The following CATSPERB variants were observed in gnomAD, a reference collection of about 807,000 sequenced individuals.
CATSPERB encodes the protein catsper channel auxiliary subunit beta.
A neutral mutation model predicts 128.3 loss-of-function variants in CATSPERB; 93 were observed. The ratio of observed to expected loss-of-function variants is 0.72; its 90% CI spans 0.61 to 0.86. The LOEUF (loss-of-function observed/expected upper bound fraction) is 0.86. Ranked by LOEUF, CATSPERB falls within the 40% of genes least tolerant of loss-of-function variation. The pLI, the probability that CATSPERB is intolerant of heterozygous loss-of-function variation, is 0.00. For synonymous variants in CATSPERB, 381 were observed against 448.8 expected (o/e 0.85, Z 1.91); for missense variants, 1,153 against 1,329.5 (o/e 0.87, Z 2.06).
chr14:91,639,185 A>T lies in CATSPERB; in HGVS notation c.1498T>A (p.Leu500Met). 1 of 1,613,930 alleles carries T rather than the reference A, an allele frequency of 6.2e-7. No individual in the cohort carries two copies. The highest frequency in any genetic ancestry group is 8.5e-7 in the Non-Finnish European group (1 of 1,179,864). The change falls in exon 16 of 27, where the codon TTG (leucine) becomes ATG (methionine). Residue 500 changes from leucine (L) to methionine (M), a missense_variant. Coordinates refer to ENST00000256343, the MANE Select transcript of CATSPERB (RefSeq NM_024764.4). ...ERIFTLYYDH[L>M]GFLHKLTLGR... The stretch of plus-strand genomic sequence containing the variant: ...AGAGTCAGCTTATGTAGGAATCCCA[A>T]GTGATCATAGTATAATGTGAAAATT...
At chr14:91,587,571 A>G (rs1893326163) in intron 25 of CATSPERB, among the ~76,000 whole-genome samples, 1 of 141,268 alleles carries the variant, frequency 7.1e-6, no homozygotes, top group Non-Finnish European at 1.5e-5. Context: ...TAATCCTCGT[A>G]TTTGTGGCTT....
Position 91,669,104 on chromosome 14 carries a change from T to G in CATSPERB, c.1287+710A>C, listed in dbSNP as rs1044246087. ...GTGAGAATGGATTAATACATAAACA[T>G]TTAGTGTGAAAAACTAAAATATGGA... On this transcript the variant is annotated intron_variant, in intron 14 of 26. Coordinates refer to ENST00000256343, the MANE Select transcript of CATSPERB (RefSeq NM_024764.4). Among the ~76,000 whole-genome samples, 5 of 152,188 alleles carry G rather than the reference T, an allele frequency of 3.3e-5. No homozygotes were observed. In the East Asian group the frequency reaches 9.6e-4, roughly 29 times the overall value.
At chr14:91,618,901 A>T (rs949599597) in intron 19 of CATSPERB, among the ~76,000 whole-genome samples, 2 of 152,194 alleles carry the variant, frequency 1.3e-5, no homozygotes, top group African/African-American at 4.8e-5. Flanking sequence ...GAGGCCTGAG[A>T]TTCTGCATTT....
intron 12 of CATSPERB, among the ~76,000 whole-genome samples, chr14:91,673,232 G>A (rs963985260): frequency 1.3e-5 from 1 of 79,634 alleles, no homozygotes; most frequent in Non-Finnish European, 2.9e-5. Flanking sequence ...TTAGGAAATC[G>A]ACCCTTAGGC....
intron 10 of CATSPERB, among the ~76,000 whole-genome samples, chr14:91,687,777 A>G (rs1895399671): frequency 6.6e-6 from 1 of 152,120 alleles, no homozygotes; most frequent in African/African-American, 2.4e-5. Context: ...TAACATGGTG[A>G]AACCCTATCT....
chr14:91,670,957 C>T (rs530779394), intron 13 of CATSPERB, among the ~76,000 whole-genome samples: 1 of 151,816 alleles, frequency 6.6e-6, no homozygotes, highest in East Asian at 2.0e-4. Context: ...GAGCCAAGAT[C>T]GCTCCACTGC....
rs574155823 is a variant in CATSPERB, at chr14:91,610,778, T to C, written c.2401-101A>G. 4.5e-4 allele frequency: 489 copies of C among 1,092,168 alleles called. 2 individuals are homozygous for C. Among genetic ancestry groups the C allele is most frequent in the Non-Finnish European group, 6.2e-4 (469 of 755,256 alleles). 67.7% of individuals were successfully genotyped at this position (1,092,168 alleles called of 1,614,324 possible). A position where few individuals can be genotyped will look rare whatever the true frequency, so the allele number is the denominator to read the frequency against. On this transcript the variant is annotated intron_variant, in intron 20 of 26. Coordinates refer to ENST00000256343, the MANE Select transcript of CATSPERB (RefSeq NM_024764.4). ...TGTTGAAACCCCAACCTCCAGTATCTCAAAATGTGGCTGTATTTGGAGATA... is the reference window on the plus strand; with the variant it reads ...TGTTGAAACCCCAACCTCCAGTATCCCAAAATGTGGCTGTATTTGGAGATA...
intron 26 of CATSPERB, among the ~76,000 whole-genome samples, chr14:91,586,286 T>C (rs1893296868): frequency 6.6e-6 from 1 of 152,162 alleles, no homozygotes; most frequent in African/African-American, 2.4e-5. Flanking sequence ...TCTATGAGAA[T>C]TTTAGCCCTC....
chr14:91,709,330 C>A (rs1271064098), intron 5 of CATSPERB: 2 of 151,776 alleles, frequency 1.3e-5, no homozygotes, highest in Admixed American at 6.6e-5. Flanking sequence ...GTTTAACAGG[C>A]CTTCAATGGG....
intron 14 of CATSPERB, among the ~76,000 whole-genome samples, chr14:91,662,435 ATTTAC>A (rs1894903001): frequency 6.6e-6 from 1 of 152,134 alleles, no homozygotes; most frequent in African/African-American, 2.4e-5. Flanking sequence ...ATAAGATGTA[ATTTAC>A]TTATTCATTT....
intron 15 of CATSPERB, among the ~76,000 whole-genome samples, chr14:91,655,165 C>T (rs968537809): frequency 5.9e-5 from 9 of 152,206 alleles, no homozygotes; most frequent in African/African-American, 2.2e-4. Context: ...ACTTAGATCA[C>T]AACACTCAAG....
chr14:91,691,562 GA>G lies in CATSPERB; in HGVS notation c.832-8del, dbSNP rs1231635279. 3 of 1,598,198 alleles carry G rather than the reference GA, an allele frequency of 1.9e-6. No individual in the cohort carries two copies. The highest frequency in any genetic ancestry group is 1.1e-5 in the South Asian group (1 of 88,044). On this transcript the variant is annotated splice_polypyrimidine_tract_variant and splice_region_variant and intron_variant, in intron 9 of 26. Transcript: ENST00000256343. Reference sequence around the variant, plus strand: ...AAAAGTCTGCCCTGGAAAACTAGAAGAAAAGAAGAAACTTTAATTTTTGCTT... The same window carrying G: ...AAAAGTCTGCCCTGGAAAACTAGAAGAAAGAAGAAACTTTAATTTTTGCTT...
chr14:91,616,733 CTTTTTTTTTTTTT>C (rs1555360386), intron 20 of CATSPERB, among the ~76,000 whole-genome samples: 1 of 84,482 alleles, frequency 1.2e-5, no homozygotes, highest in Non-Finnish European at 2.2e-5. Flanking sequence ...AAGTATTCCC[CTTTTTTTTTTTTT>C]TTTTTTTTTT....
intron 14 of CATSPERB, among the ~76,000 whole-genome samples, chr14:91,661,428 G>T (rs1894880674): frequency 6.6e-6 from 1 of 151,116 alleles, no homozygotes; most frequent in African/African-American, 2.4e-5. Flanking sequence ...GAATAATACT[G>T]CAGTGAACAT....
chr14:91,624,534 G>A (rs577643392), intron 18 of CATSPERB, among the ~76,000 whole-genome samples: 71 of 152,038 alleles, frequency 4.7e-4, no homozygotes, highest in African/African-American at 1.6e-3. Flanking sequence ...CCAGCTACTC[G>A]GGAGGCTGAA....
intron 17 of CATSPERB, among the ~76,000 whole-genome samples, chr14:91,634,845 T>A: frequency 6.7e-6 from 1 of 149,576 alleles, no homozygotes. Flanking sequence ...GGTATAAGAA[T>A]AGAGTCCACC....
intron 10 of CATSPERB, among the ~76,000 whole-genome samples, chr14:91,686,746 A>G (rs1463173923): frequency 6.6e-6 from 1 of 152,218 alleles, no homozygotes; most frequent in Non-Finnish European, 1.5e-5. Flanking sequence ...TCTCCCAATC[A>G]AGTTCTAGGA....
At chr14:91,668,430 A>G (rs141557333) in intron 14 of CATSPERB, among the ~76,000 whole-genome samples, 2,002 of 152,254 alleles carry the variant, frequency 0.013, 119 homozygotes, top group Admixed American at 0.11. Flanking sequence ...ACTCTGTAAA[A>G]TGGACCAATC....
At chr14:91,707,941 T>C (rs577718474) in intron 6 of CATSPERB, among the ~76,000 whole-genome samples, 200 bp downstream of exon 6, 21 of 152,168 alleles carry the variant, frequency 1.4e-4, no homozygotes, top group African/African-American at 5.1e-4. Flanking sequence ...TCTTTGCAGA[T>C]CTTTGTTAAT....
Sources: allele counts gnomAD v4.1 joint callset (sites outside exome capture counted in the v4.1 genomes callset), GRCh38; gene constraint gnomAD v4.1.1; transcripts MANE v1.5; gene names NCBI Gene and HGNC (gene_info 2026-07-23, HGNC 2026-07-21).